The following SLC38A12 variants were observed in gnomAD, a reference collection of about 807,000 sequenced individuals.
The protein encoded by SLC38A12 is putative sodium-coupled neutral amino acid transporter 12.
At chr17:74,777,500 G>T in the SLC38A12 span, 37 of 1,554,372 alleles carry the variant, frequency 2.4e-5, no homozygotes, top group African/African-American at 4.1e-5. Flanking sequence ...GAAGCAGGAT[G>T]GGGGAGTTCC....
the SLC38A12 span, among the ~76,000 whole-genome samples, chr17:74,830,715 A>G: frequency 6.6e-6 from 1 of 152,140 alleles, no homozygotes. Flanking sequence ...GAAGGCAGGC[A>G]CCTTCTCTGA....
At chr17:74,823,663 G>C in the SLC38A12 span, among the ~76,000 whole-genome samples, 1 of 152,262 alleles carries the variant, frequency 6.6e-6, no homozygotes, top group African/African-American at 2.4e-5. Flanking sequence ...GGAAGGTCTT[G>C]GTGTGCTGTC....
At chr17:74,789,915 C>G in the SLC38A12 span, among the ~76,000 whole-genome samples, 2 of 144,518 alleles carry the variant, frequency 1.4e-5, no homozygotes, top group African/African-American at 5.1e-5. Context: ...GAGTTCCATG[C>G]TCTTTTTTTT....
chr17:74,808,900 G>A, the SLC38A12 span, among the ~76,000 whole-genome samples: 1 of 152,162 alleles, frequency 6.6e-6, no homozygotes, highest in East Asian at 1.9e-4. Flanking sequence ...CTGCGCATCC[G>A]GTGCTGCAGG....
chr17:74,780,706 C>T, the SLC38A12 span, among the ~76,000 whole-genome samples: 4 of 152,146 alleles, frequency 2.6e-5, no homozygotes, highest in African/African-American at 4.8e-5. Flanking sequence ...ACTGAATGCT[C>T]GCCAGGAGTG....
chr17:74,795,680 G>A, the SLC38A12 span: 3 of 1,473,928 alleles, frequency 2.0e-6, no homozygotes, highest in African/African-American at 1.4e-5. Flanking sequence ...AGCCTGCACA[G>A]CTGAGGGCAT....
chr17:74,831,664 C>T, the SLC38A12 span, among the ~76,000 whole-genome samples: 14 of 152,338 alleles, frequency 9.2e-5, no homozygotes, highest in African/African-American at 2.9e-4. Context: ...GTTCTGGGCA[C>T]TGCCTGTGAT....
At chr17:74,837,490 G>A in the SLC38A12 span, 8 of 985,490 alleles carry the variant, frequency 8.1e-6, no homozygotes, top group Non-Finnish European at 9.6e-6. Context: ...CAGTGCAGGT[G>A]GTCCTACTAG....
chr17:74,814,685 T>G, the SLC38A12 span, among the ~76,000 whole-genome samples: 4,563 of 152,272 alleles, frequency 0.03, 246 homozygotes, highest in African/African-American at 0.1. Context: ...CAAGGCAGGT[T>G]GGCAAGACTG....
At chr17:74,830,343 C>T in the SLC38A12 span, among the ~76,000 whole-genome samples, 38 of 152,198 alleles carry the variant, frequency 2.5e-4, no homozygotes, top group African/African-American at 8.7e-4. Context: ...CCACCTTTGC[C>T]GTTTGGCAGG....
the SLC38A12 span, among the ~76,000 whole-genome samples, chr17:74,808,994 C>T: frequency 2.0e-5 from 3 of 152,172 alleles, no homozygotes; most frequent in Non-Finnish European, 2.9e-5. Context: ...TCCTATGAGC[C>T]GCACTCTGCC....
chr17:74,838,981 C>G, the SLC38A12 span: 2 of 1,535,704 alleles, frequency 1.3e-6, no homozygotes, highest in East Asian at 4.9e-5. Flanking sequence ...AGCTTAAACT[C>G]AACAGCCTCT....
At chr17:74,790,520 G>T in the SLC38A12 span, among the ~76,000 whole-genome samples, 3 of 152,150 alleles carry the variant, frequency 2.0e-5, no homozygotes, top group African/African-American at 7.2e-5. Flanking sequence ...AGCTTGGTAA[G>T]TTCCTTGACC....
the SLC38A12 span, among the ~76,000 whole-genome samples, chr17:74,821,654 G>A: frequency 4.6e-5 from 7 of 152,216 alleles, no homozygotes; most frequent in Non-Finnish European, 7.3e-5. Context: ...GGGTAAGGCC[G>A]AGTGGGTAAG....
At chr17:74,791,246 C>T in the SLC38A12 span, among the ~76,000 whole-genome samples, 5 of 148,132 alleles carry the variant, frequency 3.4e-5, no homozygotes, top group Admixed American at 2.7e-4. Flanking sequence ...ACAAAGAGGC[C>T]GCTTCTCTAG....
At chr17:74,801,701 G>A in the SLC38A12 span, among the ~76,000 whole-genome samples, 5 of 152,220 alleles carry the variant, frequency 3.3e-5, 1 homozygote, top group Admixed American at 3.3e-4. Flanking sequence ...GACAGCGACT[G>A]CGCTCAGGCT....
At chr17:74,825,606 T>C in the SLC38A12 span, among the ~76,000 whole-genome samples, 1 of 152,204 alleles carries the variant, frequency 6.6e-6, no homozygotes, top group Admixed American at 6.5e-5. Flanking sequence ...TAGCAGCCTT[T>C]GTTATCAGCT....
chr17:74,831,870 C>T, the SLC38A12 span, among the ~76,000 whole-genome samples: 3 of 152,234 alleles, frequency 2.0e-5, no homozygotes, highest in Non-Finnish European at 4.4e-5. Context: ...GAGCCCCGGG[C>T]GTCGGTGTGG....
At chr17:74,834,563 C>T in the SLC38A12 span, among the ~76,000 whole-genome samples, 1 of 152,206 alleles carries the variant, frequency 6.6e-6, no homozygotes, top group Non-Finnish European at 1.5e-5. Context: ...CCACCTCTTC[C>T]TTCCAGGAGT....
Sources: gnomAD v4.1 joint callset for allele counts (sites outside exome capture counted in the v4.1 genomes callset) on GRCh38, gnomAD v4.1.1 for gene constraint, MANE v1.5 for transcripts, NCBI Gene and HGNC (gene_info 2026-07-23, HGNC 2026-07-21) for gene names.